The following ATF1 variants were observed in gnomAD, a reference collection of about 807,000 sequenced individuals.
ATF1 encodes activating transcription factor 1.
ATF1 carries 16 observed loss-of-function variants against 34.7 expected under a neutral mutation model. The ratio of observed to expected loss-of-function variants is 0.46; its 90% confidence interval spans 0.31 to 0.70. The LOEUF is 0.70. Ranked by LOEUF, ATF1 falls within the 30% of genes least tolerant of loss-of-function variation. ATF1 has a pLI of 0.05. For synonymous variants in ATF1, 105 were observed against 113.1 expected, an observed-to-expected ratio of 0.93 and a Z score of 0.46; for missense variants, 255 against 321.6, an observed-to-expected ratio of 0.79 and a Z score of 1.58.
Position 50,801,319 on chromosome 12 carries a change from T to TA in ATF1, c.194+5319dup, listed in dbSNP as rs35513065. ...ATCTATATACCCCTAGAGCAACTAC[T>TA]AAAAAAAAACTACACAAAAAGATTT... is the stretch of plus-strand genomic sequence containing the variant. On this transcript the variant is annotated intron_variant, in intron 3 of 6. Coordinates refer to ENST00000262053, the MANE Select transcript of ATF1 (RefSeq NM_005171.5). 2.9e-3 allele frequency among the ~76,000 whole-genome samples: 443 copies of TA among 151,226 alleles called. 12 individuals are homozygous for TA. The East Asian group carries it at 0.065, about 22-fold the overall frequency.
intron 1 of ATF1, among the ~76,000 whole-genome samples, chr12:50,771,232 C>T (rs1036897714): frequency 2.0e-5 from 3 of 152,142 alleles, no homozygotes; most frequent in Non-Finnish European, 4.4e-5. Flanking sequence ...CCTCGAACTC[C>T]TGACCTCAGG....
At chr12:50,772,235 C>T (rs1239216243) in intron 1 of ATF1, among the ~76,000 whole-genome samples, 1 of 152,022 alleles carries the variant, frequency 6.6e-6, no homozygotes, top group Non-Finnish European at 1.5e-5. Flanking sequence ...CAAAGTGTCT[C>T]CCAAAGTGCT....
chr12:50,813,527 C>A (rs1316808312), intron 4 of ATF1, among the ~76,000 whole-genome samples: 2 of 152,050 alleles, frequency 1.3e-5, no homozygotes, highest in African/African-American at 2.4e-5. Context: ...AATTAACTAT[C>A]ATGGGGCCAA....
At chr12:50,775,175 A>G (rs913480753) in intron 1 of ATF1, among the ~76,000 whole-genome samples, 3 of 149,402 alleles carry the variant, frequency 2.0e-5, no homozygotes, top group African/African-American at 5.0e-5. Flanking sequence ...CTCCTGGGGG[A>G]CTCAAGCAAT....
At chr12:50,804,826 TC>T (rs990404625) in intron 3 of ATF1, among the ~76,000 whole-genome samples, 10 of 150,334 alleles carry the variant, frequency 6.7e-5, no homozygotes, top group African/African-American at 2.2e-4. Context: ...TTTTTTTTTT[TC>T]CCGAGACGGA....
rs139296203 is a variant in ATF1, at chr12:50,796,156, C to T, written c.194+147C>T. ...CCCTCGCCTATAATCCCAACCCTTT[C>T]GGAGGCCGAGGTAGGATTGCTTGAG... On this transcript the variant is annotated intron_variant, in intron 3 of 6. Coordinates refer to ENST00000262053, the MANE Select transcript of ATF1 (RefSeq NM_005171.5). 290 of 653,146 alleles carry T rather than the reference C, an allele frequency of 4.4e-4. 3 individuals are homozygous for T. In the African/African-American group the frequency reaches 4.8e-3, roughly 11 times the overall value. The allele number at this position is 653,146 out of a possible 1,614,324, so 40.5% of individuals were successfully genotyped here.
In ATF1 at chr12:50,815,545, C is replaced by T. The variant is rs748393929; in HGVS notation, c.671+1106C>T. Among the ~76,000 whole-genome samples, 371 of 146,994 alleles carry T rather than the reference C, an allele frequency of 2.5e-3. 1 individual carries two copies. The highest frequency in any genetic ancestry group is 3.3e-3 in the Non-Finnish European group (220 of 66,220). ...AGACTACAGATGTATACCACCACAC[C>T]CAGCTAATTTTTTTTTTTTTTCTTG... On this transcript the variant is annotated intron_variant, in intron 6 of 6. Coordinates refer to ENST00000262053, the MANE Select transcript of ATF1 (RefSeq NM_005171.5).
intron 3 of ATF1, among the ~76,000 whole-genome samples, chr12:50,802,250 G>C (rs187257744): frequency 1.2e-4 from 19 of 152,326 alleles, no homozygotes; most frequent in African/African-American, 4.3e-4. Flanking sequence ...TGGAGGCCAG[G>C]CACAGTGGCT....
intron 4 of ATF1, among the ~76,000 whole-genome samples, chr12:50,813,292 A>G (rs926831890): frequency 6.6e-6 from 1 of 152,198 alleles, no homozygotes; most frequent in African/African-American, 2.4e-5. Context: ...ACTTAAGTAA[A>G]TATCTTAATA....
At chr12:50,789,471 T>C (rs1303038483) in intron 2 of ATF1, among the ~76,000 whole-genome samples, 1 of 152,012 alleles carries the variant, frequency 6.6e-6, no homozygotes, top group East Asian at 1.9e-4. Context: ...AGAGAAGTAG[T>C]ATGAAGTTCT....
At chr12:50,798,537 C>T (rs1941455206) in intron 3 of ATF1, among the ~76,000 whole-genome samples, 1 of 152,074 alleles carries the variant, frequency 6.6e-6, no homozygotes, top group African/African-American at 2.4e-5. Context: ...TCTCAATCTC[C>T]TGACCTCGTG....
intron 2 of ATF1, among the ~76,000 whole-genome samples, chr12:50,783,597 C>G (rs1691179881): frequency 6.6e-6 from 1 of 152,076 alleles, no homozygotes; most frequent in South Asian, 2.1e-4. Flanking sequence ...AGGCTGGGCA[C>G]AGTGGCTCAT....
intron 1 of ATF1, among the ~76,000 whole-genome samples, chr12:50,779,304 A>G (rs1432306910): frequency 6.6e-6 from 1 of 152,098 alleles, no homozygotes; most frequent in Non-Finnish European, 1.5e-5. Flanking sequence ...AAATTGCTCT[A>G]TTTTTGTTTG....
Position 50,780,207 on chromosome 12 carries a change from A to G in ATF1, c.62A>G (p.Gln21Arg). 6.2e-7 allele frequency: 1 copy of G among 1,613,852 alleles called. No homozygotes were observed. The highest frequency in any genetic ancestry group is 8.5e-7 in the Non-Finnish European group (1 of 1,179,760). Residue 21 changes from glutamine (Q) to arginine (R), a missense_variant, in exon 2 of 7, where the codon CAG becomes CGG. This residue lies in a region of ATF1 where 221 missense variants were observed against 250.7 expected (regional missense o/e 0.88). Transcript: ENST00000262053. ...GCACCTCAACCTGGTTCAGCAGTTC[A>G]GGGAGCTCACATTTCTCATATTGCT... ...ETAPQPGSAV[Q>R]GAHISHIAQQ...
At chr12:50,795,624 GC>G (rs371810717) in intron 2 of ATF1, among the ~76,000 whole-genome samples, 1 of 152,066 alleles carries the variant, frequency 6.6e-6, no homozygotes, top group East Asian at 1.9e-4. Context: ...TGACATCAGA[GC>G]CTGGTCTTTT....
chr12:50,802,234 A>G (rs1358031805), intron 3 of ATF1, among the ~76,000 whole-genome samples: 1 of 152,244 alleles, frequency 6.6e-6, no homozygotes, highest in Non-Finnish European at 1.5e-5. Context: ...AACAGAACAC[A>G]TATACTGGAG....
chr12:50,781,859 G>C (rs1306060114), intron 2 of ATF1, among the ~76,000 whole-genome samples: 4 of 149,234 alleles, frequency 2.7e-5, no homozygotes, highest in African/African-American at 9.9e-5. Context: ...AGGCAGCAGT[G>C]AGCTATAATC....
rs564105759 is a variant in ATF1 at position 50,808,270 on chromosome 12, C to A, written c.195-1186C>A. ...TTTTATTCATCATTGATACGCTGTG[C>A]ATTTTATAGTTTTTCTTACCTACTT... On this transcript the variant is annotated intron_variant, in intron 3 of 6. Transcript: ENST00000262053. Among the ~76,000 whole-genome samples, 113 of 152,130 alleles carry A rather than the reference C, an allele frequency of 7.4e-4. 1 individual carries two copies. The highest frequency in any genetic ancestry group is 1.6e-3 in the Admixed American group (24 of 15,276).
chr12:50,815,121 CA>C lies in ATF1; in HGVS notation c.671+693del, dbSNP rs532857566. Among the ~76,000 whole-genome samples the C allele has an allele frequency of 1.4e-3, 211 of 147,364 alleles. 2 individuals are homozygous for C. The highest frequency in any genetic ancestry group is 5.0e-3 in the African/African-American group (201 of 40,396). On this transcript the variant is annotated intron_variant, in intron 6 of 6. Coordinates refer to ENST00000262053, the MANE Select transcript of ATF1 (RefSeq NM_005171.5). ...TGGGCAACAGAGTGAGACTCTGTCT[CA>C]AAAAAAAAAATTTTTTTAACTGTAA...
Sources: allele counts gnomAD v4.1 joint callset (sites outside exome capture counted in the v4.1 genomes callset), GRCh38; gene constraint gnomAD v4.1.1; regional missense constraint gnomAD v4.1.1; transcripts MANE v1.5; gene names NCBI Gene and HGNC (gene_info 2026-07-23, HGNC 2026-07-21).